Variants in RNF182 observed in about 807,000 individuals in gnomAD.
RNF182 encodes the protein E3 ubiquitin-protein ligase RNF182.
Under a neutral mutation model 14.4 loss-of-function variants are expected in RNF182, and 15 were observed. That is an observed-to-expected ratio of 1.04 (90% CI 0.70 to 1.60). RNF182 has a LOEUF of 1.60. Ranked by LOEUF, RNF182 falls within the 40% of genes most tolerant of loss-of-function variation. The pLI, the probability that RNF182 is intolerant of heterozygous loss-of-function variation, is 0.00. For synonymous variants in RNF182, 128 were observed against 122.9 expected, an observed-to-expected ratio of 1.04 and a Z score of -0.27; for missense variants, 268 against 294.8, an observed-to-expected ratio of 0.91 and a Z score of 0.67.
At chr6:13,956,844 G>T (rs550859909) in intron 1 of RNF182, among the ~76,000 whole-genome samples, 1 of 152,162 alleles carries the variant, frequency 6.6e-6, no homozygotes, top group African/African-American at 2.4e-5. Flanking sequence ...ATCATTTCCT[G>T]GGCTGATATG....
At chr6:13,972,239 A>G (rs1282534818) in intron 1 of RNF182, among the ~76,000 whole-genome samples, 1 of 151,934 alleles carries the variant, frequency 6.6e-6, no homozygotes, top group Non-Finnish European at 1.5e-5. Flanking sequence ...CAGGAGGTGG[A>G]ACTTGCAGTG....
chr6:13,937,093 A>G (rs549613460), intron 1 of RNF182, among the ~76,000 whole-genome samples: 2 of 152,224 alleles, frequency 1.3e-5, no homozygotes, highest in East Asian at 3.8e-4. Flanking sequence ...ACTTTTCACA[A>G]TCACATTACT....
chr6:13,950,590 C>T (rs1046358570), intron 1 of RNF182, among the ~76,000 whole-genome samples: 14 of 150,898 alleles, frequency 9.3e-5, no homozygotes, highest in South Asian at 4.2e-4. Context: ...CTCCATCTCC[C>T]GGGTTCAACA....
chr6:13,941,293 C>T (rs973332889), intron 1 of RNF182, among the ~76,000 whole-genome samples: 2 of 152,000 alleles, frequency 1.3e-5, no homozygotes, highest in Non-Finnish European at 2.9e-5. Flanking sequence ...GTATTGGACA[C>T]CTTTCCTCTC....
At position 13,978,511 on chromosome 6, in the gene RNF182, A is replaced by G. The variant is rs1760403472; in HGVS notation, c.*648A>G. 1 of 166,924 alleles carries G rather than the reference A, an allele frequency of 6.0e-6. No individual in the cohort carries two copies. Among genetic ancestry groups the G allele is most frequent in the African/African-American group, 2.4e-5 (1 of 41,418 alleles). 10.3% of individuals were successfully genotyped at this position (166,924 alleles called of 1,614,324 possible). ...AGGAATTTGCATCACAGTCAGCTTC[A>G]TGGCAGAATGTGGCCATTTGTCCTT... On this transcript the variant is annotated 3_prime_UTR_variant, in exon 3 of 3. Coordinates refer to ENST00000488300, the MANE Select transcript of RNF182 (RefSeq NM_152737.4).
intron 1 of RNF182, among the ~76,000 whole-genome samples, chr6:13,937,054 T>C (rs529552507): frequency 1.4e-3 from 219 of 152,288 alleles, no homozygotes; most frequent in African/African-American, 5.0e-3. Context: ...ATTTGAGTTT[T>C]AGAAAGTCTC....
intron 1 of RNF182, among the ~76,000 whole-genome samples, chr6:13,937,764 G>A (rs370801141): frequency 6.6e-6 from 1 of 151,558 alleles, no homozygotes; most frequent in Non-Finnish European, 1.5e-5. Flanking sequence ...TGGTTATATC[G>A]GCGACATTCT....
chr6:13,925,944 A>G (rs1758813595), intron 1 of RNF182, among the ~76,000 whole-genome samples: 1 of 152,172 alleles, frequency 6.6e-6, no homozygotes, highest in Admixed American at 6.5e-5. Context: ...CGCGAAGCAC[A>G]GATTTAAATT....
chr6:13,928,824 G>A (rs55730040), intron 1 of RNF182, among the ~76,000 whole-genome samples: 6,344 of 151,654 alleles, frequency 0.042, 219 homozygotes, highest in Non-Finnish European at 0.061. Context: ...CATACTGAGA[G>A]TCTGCTGGCA....
intron 1 of RNF182, among the ~76,000 whole-genome samples, chr6:13,930,130 A>ACGCAAC (rs1758930632): frequency 1.3e-5 from 1 of 74,104 alleles, no homozygotes; most frequent in Non-Finnish European, 3.3e-5. Flanking sequence ...TATTTGGAAA[A>ACGCAAC]TATTCCAAAA....
chr6:13,956,916 C>T (rs963630644), intron 1 of RNF182, among the ~76,000 whole-genome samples: 26 of 152,076 alleles, frequency 1.7e-4, no homozygotes, highest in African/African-American at 6.0e-4. Context: ...CACCCCCCGC[C>T]CCCCACCATA....
intron 1 of RNF182, among the ~76,000 whole-genome samples, chr6:13,940,185 T>C (rs1759254847): frequency 6.6e-6 from 1 of 152,242 alleles, no homozygotes; most frequent in African/African-American, 2.4e-5. Flanking sequence ...AGATCTCTTA[T>C]TTCTAATTAA....
chr6:13,944,706 C>A (rs933685204), intron 1 of RNF182, among the ~76,000 whole-genome samples: 1 of 152,158 alleles, frequency 6.6e-6, no homozygotes, highest in Non-Finnish European at 1.5e-5. Context: ...TGTACTTAAT[C>A]CTTTCAATAC....
chr6:13,960,026 G>A (rs1759827851), intron 1 of RNF182, among the ~76,000 whole-genome samples: 2 of 152,220 alleles, frequency 1.3e-5, no homozygotes, highest in South Asian at 4.1e-4. Flanking sequence ...AGAAAAGATT[G>A]AGAATAGTGA....
chr6:13,952,093 T>C (rs938647071), intron 1 of RNF182, among the ~76,000 whole-genome samples: 1 of 151,406 alleles, frequency 6.6e-6, no homozygotes, highest in African/African-American at 2.4e-5. Context: ...ACAGAAAAGA[T>C]AGTAAAGAGA....
At chr6:13,924,887 G>A (rs969943689), upstream of RNF182, 1 of 143,766 alleles carries the variant, frequency 7.0e-6, no homozygotes, top group African/African-American at 2.5e-5. Flanking sequence ...CGGCGGCTCA[G>A]CGCCGTAGAG....
At chr6:13,947,288 G>A (rs1759462230) in intron 1 of RNF182, among the ~76,000 whole-genome samples, 1 of 152,176 alleles carries the variant, frequency 6.6e-6, no homozygotes, top group Non-Finnish European at 1.5e-5. Flanking sequence ...TGAGACTAGA[G>A]TCTGGTAACA....
intron 1 of RNF182, among the ~76,000 whole-genome samples, chr6:13,965,504 A>G (rs1179020628): frequency 2.0e-5 from 3 of 152,214 alleles, no homozygotes; most frequent in Non-Finnish European, 4.4e-5. Context: ...TTATGAAAAA[A>G]GACACTCTGG....
Position 13,969,111 on chromosome 6 carries a change from G to T in RNF182, c.-366-5099G>T, listed in dbSNP as rs113943053. 6.7e-3 allele frequency among the ~76,000 whole-genome samples: 1,020 copies of T among 151,276 alleles called. 12 individuals are homozygous for T. Among genetic ancestry groups the T allele is most frequent in the African/African-American group, 0.024 (982 of 40,862 alleles). On this transcript the variant is annotated intron_variant, in intron 1 of 2. Coordinates refer to ENST00000488300, the MANE Select transcript of RNF182 (RefSeq NM_152737.4). ...ATCAGGCTTGTCTCTGTTTTTTGTT[G>T]TTGTTGTTGTTGTTGTTGTTGTTTT... is the stretch of plus-strand genomic sequence containing the variant.
Sources: allele counts gnomAD v4.1 joint callset (sites outside exome capture counted in the v4.1 genomes callset), GRCh38; gene constraint gnomAD v4.1.1; transcripts MANE v1.5; gene names NCBI Gene and HGNC (gene_info 2026-07-23, HGNC 2026-07-21).